Variants in PABPC4L observed in about 807,000 individuals in gnomAD.
The protein encoded by PABPC4L is polyadenylate-binding protein 4-like.
For missense variants in PABPC4L, 452 were observed against 451.4 expected (o/e 1.00, Z -0.01); for synonymous variants, 169 against 164.1 (o/e 1.03, Z -0.23).
the PABPC4L span, among the ~76,000 whole-genome samples, chr4:134,039,669 G>T: frequency 6.6e-6 from 1 of 151,758 alleles, no homozygotes; most frequent in Non-Finnish European, 1.5e-5. Context: ...CTTTCTATTT[G>T]CTTGGTAAAT....
the PABPC4L span, among the ~76,000 whole-genome samples, chr4:134,039,353 GCTGAGTTAAAGTT>G: frequency 3.9e-5 from 6 of 152,090 alleles, no homozygotes; most frequent in Non-Finnish European, 7.4e-5. Flanking sequence ...TTGGTCCAAA[GCTGAGTTAAAGTT>G]CTGAATAACA....
At chr4:133,994,499 C>T in the PABPC4L span, among the ~76,000 whole-genome samples, 1 of 152,126 alleles carries the variant, frequency 6.6e-6, no homozygotes, top group Non-Finnish European at 1.5e-5. Context: ...GGGATGCGTG[C>T]TTTGCTTGGC....
the PABPC4L span, among the ~76,000 whole-genome samples, chr4:134,110,317 A>G: frequency 6.6e-6 from 1 of 152,070 alleles, no homozygotes; most frequent in African/African-American, 2.4e-5. Flanking sequence ...TTAACTAAGA[A>G]AAATTTAGGA....
chr4:134,077,082 T>G, the PABPC4L span, among the ~76,000 whole-genome samples: 1 of 152,310 alleles, frequency 6.6e-6, no homozygotes, highest in Admixed American at 6.5e-5. Context: ...TGACATATTA[T>G]TCTTTTCTAC....
the PABPC4L span, among the ~76,000 whole-genome samples, chr4:134,007,216 G>C: frequency 1.3e-5 from 2 of 151,492 alleles, no homozygotes; most frequent in Non-Finnish European, 3.0e-5. Flanking sequence ...TTACATAATA[G>C]GGTTTTATAT....
the PABPC4L span, among the ~76,000 whole-genome samples, chr4:134,182,845 A>G: frequency 6.6e-6 from 1 of 152,074 alleles, no homozygotes; most frequent in Non-Finnish European, 1.5e-5. Context: ...GCCAACAAGC[A>G]TATAGGAAAA....
At chr4:134,041,475 G>T in the PABPC4L span, among the ~76,000 whole-genome samples, 1 of 152,036 alleles carries the variant, frequency 6.6e-6, no homozygotes, top group Non-Finnish European at 1.5e-5. Flanking sequence ...ACTAACACAA[G>T]AACAGAAAAC....
the PABPC4L span, among the ~76,000 whole-genome samples, chr4:134,075,818 A>C: frequency 6.6e-6 from 1 of 152,138 alleles, no homozygotes; most frequent in Non-Finnish European, 1.5e-5. Context: ...CTGCTGGAGC[A>C]TGCTGTCCTC....
the PABPC4L span, among the ~76,000 whole-genome samples, chr4:134,084,734 A>ATATTAAAGACAGG: frequency 2.0e-5 from 3 of 152,102 alleles, no homozygotes; most frequent in African/African-American, 7.2e-5. Flanking sequence ...AATACACTTT[A>ATATTAAAGACAGG]ATATCCTGTC....
the PABPC4L span, among the ~76,000 whole-genome samples, chr4:134,115,950 T>C: frequency 6.6e-6 from 1 of 151,890 alleles, no homozygotes; most frequent in Non-Finnish European, 1.5e-5. Flanking sequence ...ATATATTTGA[T>C]TAGATAAAAA....
chr4:134,059,981 C>T, the PABPC4L span, among the ~76,000 whole-genome samples: 1 of 152,244 alleles, frequency 6.6e-6, no homozygotes, highest in East Asian at 1.9e-4. Context: ...GATGCCACTC[C>T]CTCCCACATA....
the PABPC4L span, among the ~76,000 whole-genome samples, chr4:134,029,841 C>T: frequency 6.6e-6 from 1 of 151,588 alleles, no homozygotes; most frequent in Non-Finnish European, 1.5e-5. Flanking sequence ...ATTGTAGTTC[C>T]AATAATCCCC....
the PABPC4L span, among the ~76,000 whole-genome samples, chr4:133,967,059 A>T: frequency 1.3e-5 from 2 of 152,018 alleles, no homozygotes; most frequent in Non-Finnish European, 2.9e-5. Context: ...ACCAAGAATG[A>T]CCCCAAATTT....
chr4:134,164,690 C>T, the PABPC4L span, among the ~76,000 whole-genome samples: 4 of 151,964 alleles, frequency 2.6e-5, no homozygotes, highest in Non-Finnish European at 5.9e-5. Context: ...CTAAAAATGA[C>T]CATACTGCCC....
the PABPC4L span, among the ~76,000 whole-genome samples, chr4:134,139,321 A>T: frequency 6.6e-6 from 1 of 152,052 alleles, no homozygotes; most frequent in Middle Eastern, 3.4e-3. Flanking sequence ...AAATCAAGTA[A>T]ATATGTACTG....
the PABPC4L span, among the ~76,000 whole-genome samples, chr4:134,033,746 A>G: frequency 1.3e-5 from 2 of 152,090 alleles, no homozygotes; most frequent in South Asian, 4.1e-4. Flanking sequence ...TTAAGAGTTG[A>G]TGAAGCTGCA....
At chr4:134,045,913 T>A in the PABPC4L span, among the ~76,000 whole-genome samples, 808 of 152,298 alleles carry the variant, frequency 5.3e-3, 11 homozygotes, top group African/African-American at 0.019. Context: ...TAATGTAGTA[T>A]CCAAGTTACC....
At chr4:134,168,481 T>TG in the PABPC4L span, among the ~76,000 whole-genome samples, 5 of 151,802 alleles carry the variant, frequency 3.3e-5, no homozygotes, top group Admixed American at 3.3e-4. Context: ...AAGAAAAAGT[T>TG]GGTTTCTTGA....
the PABPC4L span, among the ~76,000 whole-genome samples, chr4:134,024,338 C>A: frequency 6.6e-6 from 1 of 152,262 alleles, no homozygotes; most frequent in African/African-American, 2.4e-5. Context: ...ATATAACAAA[C>A]TCAGTGTCTT....
Sources: gnomAD v4.1 joint callset for allele counts (sites outside exome capture counted in the v4.1 genomes callset) on GRCh38, gnomAD v4.1.1 for gene constraint, MANE v1.5 for transcripts, NCBI Gene and HGNC (gene_info 2026-07-23, HGNC 2026-07-21) for gene names.